Variants in PHKB observed in about 807,000 individuals in gnomAD.
PHKB encodes the protein phosphorylase b kinase regulatory subunit beta.
In PHKB, 122 loss-of-function variants were observed where a neutral mutation model predicts 152.1. The ratio of observed to expected loss-of-function variants is 0.80; its 90% CI spans 0.69 to 0.93. The LOEUF (loss-of-function observed/expected upper bound fraction) is 0.93. PHKB is among the 40% of genes least tolerant of loss of function. The pLI, the probability that PHKB is intolerant of heterozygous loss-of-function variation, is 0.00. For synonymous variants in PHKB, 436 were observed against 464.9 expected (o/e 0.94, Z 0.80); for missense variants, 1,304 against 1,328.4 (o/e 0.98, Z 0.29).
At chr16:47,563,781 T>C (rs1296647902) in intron 7 of PHKB, among the ~76,000 whole-genome samples, 3 of 152,144 alleles carry the variant, frequency 2.0e-5, no homozygotes. Flanking sequence ...TTGTACTCAG[T>C]ATGTAATTAT....
intron 14 of PHKB, among the ~76,000 whole-genome samples, chr16:47,624,541 C>T (rs996939603): frequency 6.6e-6 from 1 of 152,148 alleles, no homozygotes; most frequent in African/African-American, 2.4e-5. Flanking sequence ...GGAACTCTTC[C>T]TCTGAATCCC....
At position 47,661,707 on chromosome 16, in the gene PHKB, T is replaced by G. The variant is rs756745680; in HGVS notation, c.2197-12T>G. On this transcript the variant is annotated splice_polypyrimidine_tract_variant and intron_variant, in intron 22 of 30. Coordinates refer to ENST00000323584, the MANE Select transcript of PHKB (RefSeq NM_000293.3). ...TTTCATTCCAGTTCCTCACCGTGATTTATATTTTCAGGATTGCAGTTGTCT... is the reference window on the plus strand; with the variant it reads ...TTTCATTCCAGTTCCTCACCGTGATGTATATTTTCAGGATTGCAGTTGTCT... 11 of 1,597,104 alleles carry G rather than the reference T, an allele frequency of 6.9e-6. No homozygotes were observed. In the South Asian group the frequency reaches 1.1e-4, roughly 16 times the overall value.
chr16:47,592,608 C>T (rs1345306870), intron 10 of PHKB, among the ~76,000 whole-genome samples: 1 of 152,234 alleles, frequency 6.6e-6, no homozygotes, highest in Non-Finnish European at 1.5e-5. Flanking sequence ...AGGTGTTCCA[C>T]TCCCTATGAG....
intron 13 of PHKB, among the ~76,000 whole-genome samples, chr16:47,605,743 A>G (rs1434384038): frequency 6.6e-6 from 1 of 152,194 alleles, no homozygotes; most frequent in Non-Finnish European, 1.5e-5. Flanking sequence ...AGAAAGGAGA[A>G]CATTTGTAAT....
At chr16:47,641,124 TGGGGA>T (rs748524532) in intron 15 of PHKB, 34 bp downstream of exon 15, 37 of 1,534,100 alleles carry the variant, frequency 2.4e-5, no homozygotes, top group Non-Finnish European at 2.8e-5. Context: ...TGTTTTTTTG[TGGGGA>T]GGGGAGGGGA....
intron 6 of PHKB, among the ~76,000 whole-genome samples, chr16:47,516,031 G>T (rs999964424): frequency 6.6e-6 from 1 of 151,470 alleles, no homozygotes; most frequent in African/African-American, 2.4e-5. Flanking sequence ...AGGTTCAAGC[G>T]ATTCCCCTGC....
chr16:47,476,095 C>G (rs1376719591), intron 1 of PHKB, among the ~76,000 whole-genome samples: 1 of 151,742 alleles, frequency 6.6e-6, no homozygotes, highest in Non-Finnish European at 1.5e-5. Context: ...GTCTCAAGCT[C>G]CTGTCCTCAA....
intron 13 of PHKB, among the ~76,000 whole-genome samples, chr16:47,604,454 T>A (rs1972288975): frequency 6.6e-6 from 1 of 152,090 alleles, no homozygotes; most frequent in South Asian, 2.1e-4. Context: ...TATTTGGAAT[T>A]TTCTGGTATA....
At chr16:47,677,051 T>C (rs1293243431) in intron 26 of PHKB, among the ~76,000 whole-genome samples, 1 of 152,250 alleles carries the variant, frequency 6.6e-6, no homozygotes, top group Admixed American at 6.5e-5. Flanking sequence ...AGAGAGCCAT[T>C]GTTGTCATAG....
intron 1 of PHKB, among the ~76,000 whole-genome samples, chr16:47,484,336 A>G (rs1419699410): frequency 1.3e-5 from 2 of 152,158 alleles, no homozygotes; most frequent in African/African-American, 4.8e-5. Context: ...ATATTATTTC[A>G]TATTTGCCAT....
intron 20 of PHKB, among the ~76,000 whole-genome samples, chr16:47,658,151 C>T (rs1320842290): frequency 1.3e-5 from 2 of 152,126 alleles, no homozygotes; most frequent in East Asian, 3.9e-4. Context: ...ACCAGCTGCC[C>T]CATCTACTCT....
chr16:47,514,426 A>G (rs1234114641), intron 5 of PHKB, among the ~76,000 whole-genome samples: 1 of 152,226 alleles, frequency 6.6e-6, no homozygotes, highest in African/African-American at 2.4e-5. Context: ...CGAGCCACTG[A>G]TGGAAGCCCT....
chr16:47,566,148 T>G, intron 7 of PHKB: 1 of 647,084 alleles, frequency 1.5e-6, no homozygotes, highest in Non-Finnish European at 2.8e-6. Context: ...GCGATCCCAG[T>G]CGCCGTATCA....
chr16:47,493,142 T>A (rs529581470), intron 1 of PHKB, among the ~76,000 whole-genome samples: 3 of 152,134 alleles, frequency 2.0e-5, no homozygotes, highest in Non-Finnish European at 4.4e-5. Flanking sequence ...CTCCTCCCAG[T>A]GTGCAGGCCA....
At chr16:47,582,356 C>G (rs372259557) in intron 8 of PHKB, among the ~76,000 whole-genome samples, 9 of 152,270 alleles carry the variant, frequency 5.9e-5, no homozygotes, top group Admixed American at 3.3e-4. Flanking sequence ...CTAACTCTAC[C>G]CATCTTTCAG....
At chr16:47,499,010 A>G (rs1218442794) in intron 2 of PHKB, among the ~76,000 whole-genome samples, 1 of 152,200 alleles carries the variant, frequency 6.6e-6, no homozygotes, top group Non-Finnish European at 1.5e-5. Context: ...TTTTTAGTAA[A>G]TGTAATTTTA....
At chr16:47,542,481 G>A (rs1282016942) in intron 6 of PHKB, among the ~76,000 whole-genome samples, 10 of 152,072 alleles carry the variant, frequency 6.6e-5, no homozygotes, top group East Asian at 1.9e-4. Context: ...TTGGCAATGC[G>A]GGATCTTTTT....
chr16:47,547,775 A>G, intron 7 of PHKB: 1 of 493,674 alleles, frequency 2.0e-6, no homozygotes, highest in Non-Finnish European at 3.7e-6. Context: ...CCAACCTCCC[A>G]AGGTGTCAGT....
At chr16:47,479,108 T>A (rs138788924) in intron 1 of PHKB, among the ~76,000 whole-genome samples, 1 of 152,224 alleles carries the variant, frequency 6.6e-6, no homozygotes, top group East Asian at 1.9e-4. Flanking sequence ...TGGCACTCAA[T>A]CATTGACTGT....
Sources: gnomAD v4.1 joint callset for allele counts (sites outside exome capture counted in the v4.1 genomes callset) on GRCh38, gnomAD v4.1.1 for gene constraint, MANE v1.5 for transcripts, NCBI Gene and HGNC (gene_info 2026-07-23, HGNC 2026-07-21) for gene names.